Variants in TPST1 observed in about 807,000 individuals in gnomAD.
TPST1 encodes protein-tyrosine sulfotransferase 1.
In TPST1, 20 loss-of-function variants were observed where a neutral mutation model predicts 34.8. That is an observed-to-expected ratio of 0.57 (90% CI 0.40 to 0.84). The LOEUF (loss-of-function observed/expected upper bound fraction) is 0.84. Ranked by LOEUF, TPST1 falls within the 40% of genes least tolerant of loss-of-function variation. The pLI, the probability that TPST1 is intolerant of heterozygous loss-of-function variation, is 0.00. For synonymous variants in TPST1, 152 were observed against 159.4 expected (o/e 0.95, Z 0.35); for missense variants, 353 against 455.5 (o/e 0.78, Z 2.05).
chr7:66,352,234 G>A (rs960431571), intron 3 of TPST1, among the ~76,000 whole-genome samples: 2 of 152,162 alleles, frequency 1.3e-5, no homozygotes, highest in African/African-American at 4.8e-5. Flanking sequence ...TGGCAGTCAG[G>A]GTGCTTTTGT....
intron 2 of TPST1, among the ~76,000 whole-genome samples, chr7:66,285,082 C>G (rs1791008639): frequency 6.6e-6 from 1 of 152,062 alleles, no homozygotes; most frequent in South Asian, 2.1e-4. Flanking sequence ...GCCCAGCTTC[C>G]CAGTCATGAC....
intron 3 of TPST1, among the ~76,000 whole-genome samples, chr7:66,301,819 T>C (rs752842769): frequency 6.6e-6 from 1 of 152,218 alleles, no homozygotes; most frequent in East Asian, 1.9e-4. Flanking sequence ...CCGTAACAGA[T>C]ACAATAATGA....
chr7:66,341,374 G>A (rs1243730033), intron 3 of TPST1, among the ~76,000 whole-genome samples: 1 of 152,146 alleles, frequency 6.6e-6, no homozygotes, highest in Non-Finnish European at 1.5e-5. Context: ...CGCCTCCTGG[G>A]TTCAAGCAAT....
At chr7:66,254,593 A>G (rs1052617298) in intron 2 of TPST1, among the ~76,000 whole-genome samples, 4 of 151,964 alleles carry the variant, frequency 2.6e-5, no homozygotes, top group Non-Finnish European at 5.9e-5. Flanking sequence ...TAGTAGAGAC[A>G]GGGTTTTGCC....
chr7:66,345,226 G>T (rs1340306172), intron 3 of TPST1, among the ~76,000 whole-genome samples: 3 of 151,338 alleles, frequency 2.0e-5, no homozygotes, highest in African/African-American at 4.8e-5. Flanking sequence ...GCCAGGTGCG[G>T]TGGCTCACAC....
At chr7:66,223,302 G>C (rs150770865) in intron 1 of TPST1, among the ~76,000 whole-genome samples, 38 of 151,338 alleles carry the variant, frequency 2.5e-4, no homozygotes, top group African/African-American at 8.2e-4. Context: ...AAGAAAGAAA[G>C]AAACAAAAAA....
intron 1 of TPST1, among the ~76,000 whole-genome samples, chr7:66,225,852 A>G (rs1789643875): frequency 6.6e-6 from 1 of 152,156 alleles, no homozygotes; most frequent in African/African-American, 2.4e-5. Flanking sequence ...AGAAAAAGGT[A>G]CTTCCCAGTT....
intron 2 of TPST1, among the ~76,000 whole-genome samples, chr7:66,254,199 G>C (rs1011851135): frequency 6.6e-6 from 1 of 151,984 alleles, no homozygotes; most frequent in Admixed American, 6.6e-5. Context: ...TTTGGGGGAG[G>C]ATTGCCATTC....
At chr7:66,347,713 G>A (rs1792384337) in intron 3 of TPST1, among the ~76,000 whole-genome samples, 2 of 152,084 alleles carry the variant, frequency 1.3e-5, no homozygotes, top group Admixed American at 6.6e-5. Context: ...TTTCTGAGTA[G>A]AAGAATTTTA....
Position 66,355,886 on chromosome 7 carries a change from C to T in TPST1, c.1096-939C>T, listed in dbSNP as rs1392690924. On this transcript the variant is annotated intron_variant, in intron 4 of 5. Transcript: ENST00000304842. Reference sequence around the variant, plus strand: ...CGCCACTGCATTCCAACCTGGGTGACAGAGCAAGACTCCATCAAAAAAAAA... The same window carrying T: ...CGCCACTGCATTCCAACCTGGGTGATAGAGCAAGACTCCATCAAAAAAAAA... Among the ~76,000 whole-genome samples the T allele has an allele frequency of 2.5e-5, 3 of 118,066 alleles. No individual in the cohort carries two copies. In the East Asian group the frequency reaches 7.2e-4, roughly 28 times the overall value. 77.5% of individuals were successfully genotyped at this position (118,066 alleles called of 152,430 possible).
chr7:66,261,495 A>AT (rs2115717982), intron 2 of TPST1, among the ~76,000 whole-genome samples: 1 of 152,064 alleles, frequency 6.6e-6, no homozygotes, highest in African/African-American at 2.4e-5. Context: ...TCACCTTTAA[A>AT]TTTTTTAAAA....
At chr7:66,270,503 C>T (rs1790684046) in intron 2 of TPST1, among the ~76,000 whole-genome samples, 1 of 152,134 alleles carries the variant, frequency 6.6e-6, no homozygotes, top group Non-Finnish European at 1.5e-5. Context: ...ACTTTTATTA[C>T]CCAAATGTGC....
In TPST1 at chr7:66,273,905, C is replaced by T. The variant is rs185260559; in HGVS notation, c.846-12606C>T. 3.3e-5 allele frequency among the ~76,000 whole-genome samples: 5 copies of T among 152,188 alleles called. No individual in the cohort carries two copies. The East Asian group carries it at 7.7e-4, about 24-fold the overall frequency. On this transcript the variant is annotated intron_variant, in intron 2 of 5. Coordinates refer to ENST00000304842, the MANE Select transcript of TPST1 (RefSeq NM_003596.4). ...GCAACCTCCGCCTTCTGGGTTCAAG[C>T]GATTCTCTCACCTGAGCCTTCCTAG...
chr7:66,236,580 A>G (rs1331749014), intron 1 of TPST1, among the ~76,000 whole-genome samples: 1 of 152,148 alleles, frequency 6.6e-6, no homozygotes, highest in Admixed American at 6.5e-5. Flanking sequence ...CTTCTTACAT[A>G]TATTGATTGA....
upstream of TPST1, among the ~76,000 whole-genome samples, chr7:66,202,320 G>A (rs1208163544): frequency 6.6e-6 from 1 of 152,166 alleles, no homozygotes; most frequent in African/African-American, 2.4e-5. Context: ...GCCTCAGAGT[G>A]TAGTCCCCGG....
At chr7:66,252,766 G>GAT (rs1014759131) in intron 2 of TPST1, among the ~76,000 whole-genome samples, 9 of 151,914 alleles carry the variant, frequency 5.9e-5, no homozygotes, top group African/African-American at 2.2e-4. Flanking sequence ...TTTTTCTTTA[G>GAT]AATTTTTTGT....
intron 4 of TPST1, among the ~76,000 whole-genome samples, chr7:66,353,747 A>C (rs1792527422): frequency 6.6e-6 from 1 of 152,202 alleles, no homozygotes; most frequent in Non-Finnish European, 1.5e-5. Context: ...TTAGCTTGTC[A>C]ATAGGAAGAG....
intron 3 of TPST1, among the ~76,000 whole-genome samples, chr7:66,338,211 T>A (rs1792161467): frequency 1.3e-5 from 2 of 151,966 alleles, no homozygotes. Flanking sequence ...TAAAATAAAC[T>A]TAAATCAAGA....
rs3834333 is a variant in TPST1 at position 66,360,183 on chromosome 7, G to GT, written c.*322dup. The GT allele has an allele frequency of 0.014, 4,464 of 313,198 alleles. 116 individuals are homozygous for GT. The highest frequency in any genetic ancestry group is 0.086 in the East Asian group (1,065 of 12,374). 19.4% of individuals were successfully genotyped at this position (313,198 alleles called of 1,614,324 possible). On this transcript the variant is annotated 3_prime_UTR_variant, in exon 6 of 6. Transcript: ENST00000304842. ...TCTCTTTTCTTACATTATGACGTTT[G>GT]TTTTCAAGGAGAGGGTTTAAAAATG... is the stretch of plus-strand genomic sequence containing the variant.
Sources: allele counts gnomAD v4.1 joint callset (sites outside exome capture counted in the v4.1 genomes callset), GRCh38; gene constraint gnomAD v4.1.1; transcripts MANE v1.5; gene names NCBI Gene and HGNC (gene_info 2026-07-23, HGNC 2026-07-21).